The following ECT2 variants were observed in gnomAD, a reference collection of about 807,000 sequenced individuals.
The protein encoded by ECT2 is protein ECT2.
Under a neutral mutation model 116.9 loss-of-function variants are expected in ECT2, and 61 were observed. The observed-to-expected ratio is 0.52, with a 90% CI of 0.42 to 0.65. The LOEUF is 0.65. ECT2 is among the 30% of genes least tolerant of loss of function. The pLI is 0.00. For synonymous variants in ECT2, 358 were observed against 346.4 expected (o/e 1.03, Z -0.37); for missense variants, 937 against 1,078.7 (o/e 0.87, Z 1.84).
chr3:172,767,814 C>T (rs1719806131), intron 12 of ECT2, among the ~76,000 whole-genome samples: 2 of 151,794 alleles, frequency 1.3e-5, no homozygotes, highest in Admixed American at 6.6e-5. Flanking sequence ...TCACTGCAAC[C>T]TCCACCTCCT....
At chr3:172,815,517 A>G (rs1729520452) in intron 22 of ECT2, 87 bp from the exon 23 acceptor site, 2 of 735,990 alleles carry the variant, frequency 2.7e-6, no homozygotes, top group African/African-American at 1.8e-5. Context: ...ATTTATAAAT[A>G]CTCCCATATA....
intron 5 of ECT2, among the ~76,000 whole-genome samples, chr3:172,758,555 A>G (rs1281941765): frequency 6.6e-6 from 1 of 152,018 alleles, no homozygotes; most frequent in African/African-American, 2.4e-5. Context: ...TAAAGATTAG[A>G]ATTATATTTG....
At chr3:172,808,370 C>A (rs932347883) in intron 22 of ECT2, among the ~76,000 whole-genome samples, 1 of 145,260 alleles carries the variant, frequency 6.9e-6, no homozygotes, top group African/African-American at 2.5e-5. Flanking sequence ...GCCACCGTGC[C>A]TGGCCAAAAA....
chr3:172,816,865 A>G, intron 24 of ECT2, 28 bp downstream of exon 24: 1 of 1,497,576 alleles, frequency 6.7e-7, no homozygotes, highest in East Asian at 2.3e-5. Flanking sequence ...AATGGGGTAA[A>G]TGACTTATTT....
intron 22 of ECT2, among the ~76,000 whole-genome samples, chr3:172,810,299 T>G (rs140630116): frequency 1.5e-3 from 221 of 152,300 alleles, no homozygotes; most frequent in Non-Finnish European, 2.5e-3. Flanking sequence ...TTTCAAAACT[T>G]TTCAAAACTT....
In ECT2 at chr3:172,815,688, G is replaced by A. The variant is rs1729571423; in HGVS notation, c.2485G>A (p.Ala829Thr). The A allele has an allele frequency of 2.5e-6, 4 of 1,599,848 alleles. No homozygotes were observed. Among genetic ancestry groups the A allele is most frequent in the Middle Eastern group, 1.7e-4 (1 of 6,048 alleles). ...CAGTACATTGAGTAGAGCATCAAGA[G>A]CAATAAAAAAGACTTCAAAAAAGGT... is the stretch of plus-strand genomic sequence containing the variant. ...MDSTLSRASR[A>T]IKKTSKKVTR... The change falls in exon 23 of 25, where the codon GCA (alanine) becomes ACA (threonine). Residue 829 changes from alanine to threonine, a missense_variant. Coordinates refer to ENST00000392692, the MANE Select transcript of ECT2 (RefSeq NM_001258315.2).
rs143646147 is a variant in ECT2, at chr3:172,805,802, T to C, written c.2178T>C (p.Ser726=). The C allele has an allele frequency of 2.0e-5, 33 of 1,613,778 alleles. No individual in the cohort carries two copies. In the Admixed American group the frequency reaches 4.7e-4, roughly 23 times the overall value. ...SPHGQTRPPA[S]LKHIHLMPLS... is the part of the protein sequence containing the mutation. ...ATGGCCAAACCCGACCCCCAGCTTC[T>C]CTTAAGCATATTCACCTAATGCCTC... The change falls in exon 21 of 25, where the codon TCT becomes TCC. Residue 726 remains serine (S), a synonymous_variant. Transcript: ENST00000392692.
At chr3:172,777,111 A>T (rs1467482479) in intron 14 of ECT2, among the ~76,000 whole-genome samples, 1 of 152,112 alleles carries the variant, frequency 6.6e-6, no homozygotes, top group African/African-American at 2.4e-5. Flanking sequence ...ACCTCAGGTA[A>T]TCTGCCTGCC....
rs113212886 is a variant in ECT2 at position 172,763,102 on chromosome 3, A to T, written c.1068+130A>T. ...ATTAAAACAATTGGGATATCAAGTT[A>T]TCTTAGTCTATGTAGATTTAAGTGG... On this transcript the variant is annotated intron_variant, in intron 11 of 24. Coordinates refer to ENST00000392692, the MANE Select transcript of ECT2 (RefSeq NM_001258315.2). 2.9e-3 allele frequency: 2,557 copies of T among 873,064 alleles called. 51 individuals are homozygous for T. In the African/African-American group the frequency reaches 0.036, roughly 12 times the overall value. 54.1% of individuals were successfully genotyped at this position (873,064 alleles called of 1,614,324 possible). A position where few individuals can be genotyped will look rare whatever the true frequency, so the allele number is the denominator to read the frequency against.
chr3:172,820,259 T>A lies in ECT2; in HGVS notation c.*22T>A. On this transcript the variant is annotated 3_prime_UTR_variant, in exon 25 of 25. Transcript: ENST00000392692. The stretch of plus-strand genomic sequence containing the variant: ...ATGAAGCGTTACCAAAATCTTAAAT[T>A]ATAGAAATGTATAGACACCTCATAC... 1 of 1,520,258 alleles carries A rather than the reference T, an allele frequency of 6.6e-7. No homozygotes were observed. The highest frequency in any genetic ancestry group is 9.0e-7 in the Non-Finnish European group (1 of 1,105,018). 94.2% of individuals were successfully genotyped at this position (1,520,258 alleles called of 1,614,324 possible). A position where few individuals can be genotyped will look rare whatever the true frequency, so the allele number is the denominator to read the frequency against.
intron 1 of ECT2, among the ~76,000 whole-genome samples, chr3:172,751,310 C>T (rs1298072968): frequency 1.3e-5 from 2 of 151,984 alleles, no homozygotes; most frequent in Non-Finnish European, 1.5e-5. Context: ...ATCCGCCCCT[C>T]GTCCTCCCCA....
intron 14 of ECT2, among the ~76,000 whole-genome samples, chr3:172,776,372 A>G (rs1721739118): frequency 1.3e-5 from 2 of 152,008 alleles, no homozygotes; most frequent in East Asian, 3.9e-4. Flanking sequence ...AACATTTGTA[A>G]AACTCAAGAG....
chr3:172,816,260 T>TG (rs904723405), intron 23 of ECT2, among the ~76,000 whole-genome samples: 48 of 152,118 alleles, frequency 3.2e-4, no homozygotes, highest in Admixed American at 5.9e-4. Flanking sequence ...TTTCCCTTGG[T>TG]GGGGGGGCTT....
At chr3:172,806,598 T>C (rs1340479364) in intron 21 of ECT2, among the ~76,000 whole-genome samples, 1 of 110,828 alleles carries the variant, frequency 9.0e-6, no homozygotes, top group Non-Finnish European at 1.9e-5. Flanking sequence ...GAAATTATTC[T>C]TTTTTTTTTT....
intron 12 of ECT2, among the ~76,000 whole-genome samples, chr3:172,765,476 A>G (rs1275465521): frequency 6.6e-6 from 1 of 152,134 alleles, no homozygotes; most frequent in African/African-American, 2.4e-5. Context: ...TTCCTTGTCC[A>G]TGTCTAATAG....
Position 172,816,759 on chromosome 3 carries a change from C to T in ECT2, c.2577C>T (p.His859=), listed in dbSNP as rs138783754. The change falls in exon 24 of 25, where the codon CAC becomes CAT. Residue 859 remains histidine (H), a synonymous_variant. Coordinates refer to ENST00000392692, the MANE Select transcript of ECT2 (RefSeq NM_001258315.2). ...TTCGAAGGGCTCTTATGACATCCCACGGCTCAGTGGAGGGAAGAAGTCCTT... is the reference window on the plus strand; with the variant it reads ...TTCGAAGGGCTCTTATGACATCCCATGGCTCAGTGGAGGGAAGAAGTCCTT... ...RALRRALMTS[H]GSVEGRSPSS... is the part of the protein sequence containing the mutation. The T allele has an allele frequency of 3.8e-5, 61 of 1,611,038 alleles. No homozygotes were observed. The highest frequency in any genetic ancestry group is 6.7e-5 in the African/African-American group (5 of 74,804).
At chr3:172,785,773 C>T (rs1723501260) in intron 17 of ECT2, among the ~76,000 whole-genome samples, 1 of 152,008 alleles carries the variant, frequency 6.6e-6, no homozygotes, top group Non-Finnish European at 1.5e-5. Flanking sequence ...ATGATTTGTC[C>T]ACTATTTAAA....
chr3:172,758,573 T>C (rs1022745408), intron 5 of ECT2, among the ~76,000 whole-genome samples: 9 of 152,106 alleles, frequency 5.9e-5, no homozygotes, highest in African/African-American at 2.2e-4. Flanking sequence ...TTGGTTTAAG[T>C]GTGTGTATTA....
chr3:172,792,879 T>G (rs1424903382), intron 18 of ECT2, among the ~76,000 whole-genome samples: 1 of 151,970 alleles, frequency 6.6e-6, no homozygotes, highest in Non-Finnish European at 1.5e-5. Context: ...CTACCATGCC[T>G]GGCTACTTTT....
Sources: allele counts gnomAD v4.1 joint callset (sites outside exome capture counted in the v4.1 genomes callset), GRCh38; gene constraint gnomAD v4.1.1; transcripts MANE v1.5; gene names NCBI Gene and HGNC (gene_info 2026-07-23, HGNC 2026-07-21).